Variants in SPOCK3 observed in about 807,000 individuals in gnomAD.
The protein encoded by SPOCK3 is SPARC (osteonectin), cwcv and kazal like domains proteoglycan 3.
A neutral mutation model predicts 56.6 loss-of-function variants in SPOCK3; 30 were observed. That is an observed-to-expected ratio of 0.53 (90% CI 0.40 to 0.72). SPOCK3 has a LOEUF of 0.72. Ranked by LOEUF, SPOCK3 falls within the 30% of genes least tolerant of loss-of-function variation. The pLI, the probability that SPOCK3 is intolerant of heterozygous loss-of-function variation, is 0.00. For missense variants in SPOCK3, 527 were observed against 530.0 expected (o/e 0.99, Z 0.06); for synonymous variants, 196 against 183.3 (o/e 1.07, Z -0.56).
chr4:166,948,589 G>A (rs1474559075), intron 4 of SPOCK3, among the ~76,000 whole-genome samples: 1 of 151,916 alleles, frequency 6.6e-6, no homozygotes, highest in Non-Finnish European at 1.5e-5. Flanking sequence ...TCTCATTGTG[G>A]TTTTGATTTG....
At chr4:166,842,942 G>A (rs1012897127) in intron 6 of SPOCK3, among the ~76,000 whole-genome samples, 3 of 152,204 alleles carry the variant, frequency 2.0e-5, no homozygotes, top group African/African-American at 7.2e-5. Context: ...GTCAGGCATG[G>A]CAGGCTGCAG....
intron 3 of SPOCK3, among the ~76,000 whole-genome samples, chr4:167,039,495 G>T (rs1753061515): frequency 6.6e-6 from 1 of 152,020 alleles, no homozygotes; most frequent in Non-Finnish European, 1.5e-5. Flanking sequence ...CATTATATAT[G>T]TGTATGTGTG....
chr4:166,914,347 C>A (rs894083332), intron 4 of SPOCK3, among the ~76,000 whole-genome samples: 1 of 151,990 alleles, frequency 6.6e-6, no homozygotes. Flanking sequence ...TTTAAAAAAC[C>A]CTAATGATAT....
intron 2 of SPOCK3, among the ~76,000 whole-genome samples, chr4:167,084,072 A>G (rs1757964669): frequency 1.3e-5 from 2 of 152,260 alleles, no homozygotes; most frequent in East Asian, 1.9e-4. Flanking sequence ...TAAGCACAGT[A>G]TAATAATTAG....
At chr4:166,890,066 T>A (rs1734613508) in intron 5 of SPOCK3, among the ~76,000 whole-genome samples, 2 of 151,916 alleles carry the variant, frequency 1.3e-5, no homozygotes, top group African/African-American at 4.8e-5. Context: ...GCATTTGTAA[T>A]AAGATATTGT....
At chr4:167,200,721 T>C (rs951261923) in intron 2 of SPOCK3, among the ~76,000 whole-genome samples, 14 of 152,010 alleles carry the variant, frequency 9.2e-5, no homozygotes, top group African/African-American at 3.4e-4. Flanking sequence ...ATTTCTAACC[T>C]TGGAAGTTGA....
intron 2 of SPOCK3, among the ~76,000 whole-genome samples, chr4:167,216,383 AAT>A (rs1482113249): frequency 1.3e-5 from 2 of 152,140 alleles, no homozygotes; most frequent in Non-Finnish European, 2.9e-5. Context: ...TGGGAAAAAA[AAT>A]AATTGATCAA....
rs1432394324 is a variant in SPOCK3, at chr4:166,792,302, A to G, written c.590-13T>C. ...AGGTCACTGCATGCTAAAAACAGAGAAACAACACAAGTCTTGAATAATATC... is the reference window on the plus strand; with the variant it reads ...AGGTCACTGCATGCTAAAAACAGAGGAACAACACAAGTCTTGAATAATATC... On this transcript the variant is annotated splice_polypyrimidine_tract_variant and intron_variant, in intron 6 of 10. Transcript: ENST00000357545. The G allele has an allele frequency of 6.2e-7, 1 of 1,613,498 alleles. No homozygotes were observed.
intron 4 of SPOCK3, among the ~76,000 whole-genome samples, chr4:166,942,902 T>C (rs933695709): frequency 3.9e-5 from 6 of 152,202 alleles, no homozygotes; most frequent in Non-Finnish European, 8.8e-5. Context: ...TTTAGAATCA[T>C]CATTATGTAA....
At chr4:167,187,328 A>T (rs1732085719) in intron 2 of SPOCK3, among the ~76,000 whole-genome samples, 1 of 146,386 alleles carries the variant, frequency 6.8e-6, no homozygotes, top group Non-Finnish European at 1.5e-5. Context: ...CCCTCATTGT[A>T]CTCTTTCTTC....
Position 166,916,935 on chromosome 4 carries a change from G to A in SPOCK3, c.351-4192C>T, listed in dbSNP as rs189392903. ...TTAGGATTTGATTTAGTGTTAACAA[G>A]TGAAGCAAATATATCATTATGGGGT... On this transcript the variant is annotated intron_variant, in intron 4 of 10. Coordinates refer to ENST00000357545, the MANE Select transcript of SPOCK3 (RefSeq NM_001040159.2). 5.7e-3 allele frequency among the ~76,000 whole-genome samples: 861 copies of A among 152,294 alleles called. 4 individuals carry two copies. Among genetic ancestry groups the A allele is most frequent in the Middle Eastern group, 0.031 (9 of 294 alleles).
intron 3 of SPOCK3, among the ~76,000 whole-genome samples, chr4:167,015,374 C>G (rs371818684): frequency 6.6e-6 from 1 of 152,084 alleles, no homozygotes; most frequent in Non-Finnish European, 1.5e-5. Flanking sequence ...ATAATACTGG[C>G]TAAAGTTACA....
chr4:167,217,467 T>C (rs983014763), intron 2 of SPOCK3, among the ~76,000 whole-genome samples: 1 of 152,060 alleles, frequency 6.6e-6, no homozygotes, highest in African/African-American at 2.4e-5. Flanking sequence ...TAATTTAAAG[T>C]GTATTGGAGA....
At chr4:166,788,950 A>C (rs911288804) in intron 7 of SPOCK3, among the ~76,000 whole-genome samples, 1 of 146,342 alleles carries the variant, frequency 6.8e-6, no homozygotes, top group African/African-American at 2.4e-5. Flanking sequence ...ATGCAAACCC[A>C]AAATTTGATT....
intron 4 of SPOCK3, among the ~76,000 whole-genome samples, chr4:166,924,741 C>T (rs1738883773): frequency 6.6e-6 from 1 of 152,208 alleles, no homozygotes; most frequent in South Asian, 2.1e-4. Flanking sequence ...AGGGTGTGGA[C>T]TCCCATGGTT....
At chr4:166,936,934 A>C (rs1161661014) in intron 4 of SPOCK3, among the ~76,000 whole-genome samples, 1 of 152,142 alleles carries the variant, frequency 6.6e-6, no homozygotes, top group Non-Finnish European at 1.5e-5. Context: ...TCAGTTTGAA[A>C]TATTTTCTAA....
At chr4:166,899,569 T>C (rs573020126) in intron 5 of SPOCK3, among the ~76,000 whole-genome samples, 1 of 149,210 alleles carries the variant, frequency 6.7e-6, no homozygotes, top group Admixed American at 6.8e-5. Context: ...TGCAGTGGCA[T>C]GATCTCAGCT....
intron 2 of SPOCK3, among the ~76,000 whole-genome samples, chr4:167,211,531 A>C (rs1440040885): frequency 6.6e-6 from 1 of 152,124 alleles, no homozygotes; most frequent in Non-Finnish European, 1.5e-5. Context: ...CTATGAGGTA[A>C]TTGAATCATG....
At chr4:167,134,013 C>T (rs996830130) in intron 2 of SPOCK3, among the ~76,000 whole-genome samples, 3 of 146,590 alleles carry the variant, frequency 2.0e-5, no homozygotes, top group African/African-American at 7.5e-5. Flanking sequence ...ATAACTTTTA[C>T]ACCTTTTTCT....
Sources: gnomAD v4.1 joint callset for allele counts (sites outside exome capture counted in the v4.1 genomes callset) on GRCh38, gnomAD v4.1.1 for gene constraint, MANE v1.5 for transcripts, NCBI Gene and HGNC (gene_info 2026-07-23, HGNC 2026-07-21) for gene names.